Variants in MTFMT observed in about 807,000 individuals in gnomAD.
MTFMT encodes mitochondrial methionyl-tRNA formyltransferase, also known as methionyl-tRNA formyltransferase, mitochondrial.
A neutral mutation model predicts 51.8 loss-of-function variants in MTFMT; 47 were observed. The observed-to-expected ratio is 0.91, with a 90% CI of 0.72 to 1.16. The LOEUF is 1.16. Ranked by LOEUF, MTFMT falls within the 50% of genes most tolerant of loss-of-function variation. The pLI, the probability that MTFMT is intolerant of heterozygous loss-of-function variation, is 0.00. For synonymous variants in MTFMT, 196 were observed against 176.7 expected (o/e 1.11, Z -0.87); for missense variants, 512 against 482.3 (o/e 1.06, Z -0.58).
In MTFMT at chr15:65,021,502, G is replaced by A. The variant is rs2086373583; in HGVS notation, c.645+12C>T. Reference sequence around the variant, plus strand: ...AATGAGTAAAAAGCAGTAGGATATTGGGGAATTATACCATGTTGGCACCCA... The same window carrying A: ...AATGAGTAAAAAGCAGTAGGATATTAGGGAATTATACCATGTTGGCACCCA... On this transcript the variant is annotated intron_variant, in intron 4 of 8. Transcript: ENST00000220058. The A allele has an allele frequency of 6.3e-7, 1 of 1,585,090 alleles. No individual in the cohort carries two copies. The highest frequency in any genetic ancestry group is 8.7e-7 in the Non-Finnish European group (1 of 1,154,688).
At chr15:65,015,509 T>A (rs556113520) in intron 6 of MTFMT, among the ~76,000 whole-genome samples, 1 of 152,302 alleles carries the variant, frequency 6.6e-6, no homozygotes, top group Admixed American at 6.5e-5. Context: ...TTCCCCATTT[T>A]ACCCAACATT....
chr15:65,008,648 T>G (rs1419013656), intron 6 of MTFMT, among the ~76,000 whole-genome samples: 2 of 152,190 alleles, frequency 1.3e-5, no homozygotes, highest in African/African-American at 2.4e-5. Context: ...AGAGTTAGGT[T>G]GTTGTAATAA....
intron 5 of MTFMT, among the ~76,000 whole-genome samples, chr15:65,018,689 A>C (rs2086344941): frequency 6.6e-6 from 1 of 152,158 alleles, no homozygotes; most frequent in Non-Finnish European, 1.5e-5. Context: ...GCAAGGAAGC[A>C]CTCCAAACTA....
At chr15:65,005,696 C>T (rs12437643) in intron 7 of MTFMT, among the ~76,000 whole-genome samples, 1 of 151,360 alleles carries the variant, frequency 6.6e-6, no homozygotes, top group Non-Finnish European at 1.5e-5. Context: ...GAAACCTCTG[C>T]CTCCCAGGTT....
At chr15:65,007,878 T>A (rs1215593086) in intron 6 of MTFMT, among the ~76,000 whole-genome samples, 1 of 152,214 alleles carries the variant, frequency 6.6e-6, no homozygotes, top group African/African-American at 2.4e-5. Context: ...TTCCTCAGTT[T>A]GTTGACTTTT....
chr15:65,006,053 G>A (rs1253903751), intron 7 of MTFMT, 60 bp downstream of exon 7: 10 of 1,173,096 alleles, frequency 8.5e-6, no homozygotes, highest in East Asian at 7.1e-5. Context: ...TAAAACAGAC[G>A]TATTTCCAGA....
At chr15:65,028,002 C>A (rs1349190444) in intron 1 of MTFMT, among the ~76,000 whole-genome samples, 1 of 152,104 alleles carries the variant, frequency 6.6e-6, no homozygotes, top group East Asian at 1.9e-4. Flanking sequence ...ATTCTAGTAC[C>A]CAGGGGGGTA....
In MTFMT at chr15:65,023,092, C is replaced by T. The variant is rs548464047; in HGVS notation, c.542+580G>A. Among the ~76,000 whole-genome samples, 8 of 152,188 alleles carry T rather than the reference C, an allele frequency of 5.3e-5. No homozygotes were observed. The East Asian group carries it at 1.2e-3, about 22-fold the overall frequency. Reference sequence around the variant, plus strand: ...AATCCCAGATACCACGTTGTTCTTGCGAACTTGTGAATTATTCTTTTCTAA... The same window carrying T: ...AATCCCAGATACCACGTTGTTCTTGTGAACTTGTGAATTATTCTTTTCTAA... On this transcript the variant is annotated intron_variant, in intron 3 of 8. Transcript: ENST00000220058.
At chr15:65,011,704 C>T (rs923561669) in intron 6 of MTFMT, among the ~76,000 whole-genome samples, 3 of 151,880 alleles carry the variant, frequency 2.0e-5, no homozygotes, top group African/African-American at 7.3e-5. Flanking sequence ...CTACATTGCC[C>T]AGTCTGGTCT....
At chr15:65,006,598 T>A (rs1007204199) in intron 6 of MTFMT, among the ~76,000 whole-genome samples, 2 of 152,120 alleles carry the variant, frequency 1.3e-5, no homozygotes, top group African/African-American at 2.4e-5. Flanking sequence ...CGATGGTCTC[T>A]ATCTCCTGAC....
At chr15:65,019,077 T>C (rs904555349) in intron 5 of MTFMT, among the ~76,000 whole-genome samples, 1 of 152,194 alleles carries the variant, frequency 6.6e-6, no homozygotes, top group Non-Finnish European at 1.5e-5. Context: ...AAAACCATCA[T>C]GTGAAAGGTT....
chr15:65,025,398 T>A lies in MTFMT; in HGVS notation c.419+1433A>T, dbSNP rs563919626. On this transcript the variant is annotated intron_variant, in intron 2 of 8. Coordinates refer to ENST00000220058, the MANE Select transcript of MTFMT (RefSeq NM_139242.4). ...GGTGACAGCAAGACTGTCTCTAAAT[T>A]AAACAATAAAATAGAAATAAATAAA... 1.6e-4 allele frequency among the ~76,000 whole-genome samples: 23 copies of A among 147,004 alleles called. 1 individual carries two copies. The South Asian group carries it at 4.9e-3, about 31-fold the overall frequency.
chr15:65,004,742 G>A (rs1259085474), intron 8 of MTFMT, 112 bp downstream of exon 8: 2 of 583,580 alleles, frequency 3.4e-6, no homozygotes, highest in East Asian at 3.1e-5. Flanking sequence ...ATGATCTCCT[G>A]ACCCAATCTA....
chr15:65,003,824 C>T (rs2086197942), intron 8 of MTFMT, among the ~76,000 whole-genome samples: 1 of 128,470 alleles, frequency 7.8e-6, no homozygotes, highest in South Asian at 2.8e-4. Context: ...CCACTACACT[C>T]CAGCCTGGGC....
rs184976686 is a variant in MTFMT at position 65,021,702 on chromosome 15, G to A, written c.543-86C>T. The A allele has an allele frequency of 2.3e-4, 254 of 1,084,796 alleles. 3 individuals carry two copies. The Admixed American group carries it at 4.9e-3, about 21-fold the overall frequency. 67.2% of individuals were successfully genotyped at this position (1,084,796 alleles called of 1,614,324 possible). ...CTACACACAAAAAGATACAAGCTGG[G>A]TACAGTGGTCTGCATGCCTATAGTC... On this transcript the variant is annotated intron_variant, in intron 3 of 8. Coordinates refer to ENST00000220058, the MANE Select transcript of MTFMT (RefSeq NM_139242.4).
chr15:65,009,808 A>T (rs2086248766), intron 6 of MTFMT, among the ~76,000 whole-genome samples: 1 of 151,816 alleles, frequency 6.6e-6, no homozygotes, highest in African/African-American at 2.4e-5. Flanking sequence ...TGCATCCCAC[A>T]ATACCTAGCT....
chr15:65,012,483 C>A (rs2086278445), intron 6 of MTFMT, among the ~76,000 whole-genome samples: 2 of 152,120 alleles, frequency 1.3e-5, no homozygotes, highest in Admixed American at 1.3e-4. Flanking sequence ...GCAACCTCCA[C>A]CTCCCAGGTT....
intron 7 of MTFMT, 101 bp downstream of exon 7, chr15:65,006,006 CAAACTA>C (rs2086216884): frequency 1.4e-6 from 1 of 710,210 alleles, no homozygotes; most frequent in Non-Finnish European, 2.3e-6. Context: ...TGAACTGAAA[CAAACTA>C]AAAGTTATTT....
intron 1 of MTFMT, among the ~76,000 whole-genome samples, chr15:65,029,007 G>A (rs2086454325): frequency 6.6e-6 from 1 of 152,176 alleles, no homozygotes; most frequent in African/African-American, 2.4e-5. Flanking sequence ...CCTGGTTTTA[G>A]TCCGAACCAC....
Sources: allele counts gnomAD v4.1 joint callset (sites outside exome capture counted in the v4.1 genomes callset), GRCh38; gene constraint gnomAD v4.1.1; transcripts MANE v1.5; gene names NCBI Gene and HGNC (gene_info 2026-07-23, HGNC 2026-07-21).